HEMK2: variants seen among roughly 807,000 people sequenced by gnomAD.
HEMK2 encodes the protein HemK methyltransferase 2, ETF1 glutamine and histone H4 lysine.
the HEMK2 span, among the ~76,000 whole-genome samples, chr21:28,730,355 T>C: frequency 7.9e-5 from 11 of 138,756 alleles, no homozygotes; most frequent in Admixed American, 7.4e-5. Flanking sequence ...CACTCCAGCC[T>C]GGGCAAACCT....
At chr21:28,621,521 A>T in the HEMK2 span, among the ~76,000 whole-genome samples, 1 of 152,206 alleles carries the variant, frequency 6.6e-6, no homozygotes, top group Non-Finnish European at 1.5e-5. Context: ...TGTGAGCAAC[A>T]TGGCTGTTTA....
the HEMK2 span, among the ~76,000 whole-genome samples, chr21:28,583,193 T>C: frequency 1.3e-5 from 2 of 152,314 alleles, no homozygotes; most frequent in South Asian, 4.1e-4. Flanking sequence ...CATTTCTAAA[T>C]ATGAAAGAGA....
At chr21:28,723,283 T>C in the HEMK2 span, among the ~76,000 whole-genome samples, 1 of 152,214 alleles carries the variant, frequency 6.6e-6, no homozygotes, top group African/African-American at 2.4e-5. Context: ...CCTAAAGTTC[T>C]GGGATTACAG....
the HEMK2 span, among the ~76,000 whole-genome samples, chr21:28,831,596 AAGG>A: frequency 4.6e-5 from 4 of 87,150 alleles, no homozygotes; most frequent in Admixed American, 1.2e-4. Flanking sequence ...AGAAGGAAAG[AAGG>A]AAAGAAGGAA....
chr21:28,717,480 C>CTTTTTTTTTTTT, the HEMK2 span, among the ~76,000 whole-genome samples: 3 of 117,306 alleles, frequency 2.6e-5, no homozygotes, highest in Admixed American at 9.7e-5. Flanking sequence ...TCATTTTAGT[C>CTTTTTTTTTTTT]TTTTTTTTTT....
the HEMK2 span, among the ~76,000 whole-genome samples, chr21:28,770,955 T>C: frequency 6.6e-6 from 1 of 152,158 alleles, no homozygotes. Flanking sequence ...TACCAAATGC[T>C]GTCTCTCTTC....
chr21:28,594,858 T>C, the HEMK2 span, among the ~76,000 whole-genome samples: 92 of 152,330 alleles, frequency 6.0e-4, no homozygotes, highest in African/African-American at 2.2e-3. Flanking sequence ...TTAAACCATA[T>C]TGCTGCATCG....
chr21:28,738,292 T>G, the HEMK2 span, among the ~76,000 whole-genome samples: 1 of 152,226 alleles, frequency 6.6e-6, no homozygotes, highest in Non-Finnish European at 1.5e-5. Flanking sequence ...CTTTTTTCAG[T>G]TAAGTTTGTT....
At chr21:28,597,456 A>C in the HEMK2 span, among the ~76,000 whole-genome samples, 1 of 152,320 alleles carries the variant, frequency 6.6e-6, no homozygotes, top group East Asian at 1.9e-4. Flanking sequence ...TAATTAATAG[A>C]ATTTTTAAGT....
chr21:28,796,807 T>C, the HEMK2 span, among the ~76,000 whole-genome samples: 7 of 152,162 alleles, frequency 4.6e-5, no homozygotes, highest in African/African-American at 1.7e-4. Flanking sequence ...TGGGCTCAAG[T>C]GATCCTCCCG....
the HEMK2 span, among the ~76,000 whole-genome samples, chr21:28,857,122 C>T: frequency 2.6e-5 from 4 of 152,224 alleles, no homozygotes; most frequent in South Asian, 8.3e-4. Context: ...TTTATAGTTT[C>T]CCTTTTAAAT....
At chr21:28,836,623 AC>A in the HEMK2 span, among the ~76,000 whole-genome samples, 1 of 152,242 alleles carries the variant, frequency 6.6e-6, no homozygotes, top group East Asian at 1.9e-4. Context: ...TATACAGGCA[AC>A]AAAGAGCACA....
the HEMK2 span, among the ~76,000 whole-genome samples, chr21:28,678,921 T>C: frequency 1.3e-5 from 2 of 152,152 alleles, no homozygotes; most frequent in Non-Finnish European, 2.9e-5. Context: ...GAATAACCGG[T>C]ACCAGTCACT....
the HEMK2 span, among the ~76,000 whole-genome samples, chr21:28,579,137 A>AT: frequency 6.6e-6 from 1 of 152,208 alleles, no homozygotes; most frequent in Non-Finnish European, 1.5e-5. Flanking sequence ...TGGTAATGCA[A>AT]GTGATTTTTG....
the HEMK2 span, among the ~76,000 whole-genome samples, chr21:28,802,478 A>C: frequency 2.0e-5 from 3 of 152,220 alleles, no homozygotes; most frequent in Non-Finnish European, 4.4e-5. Context: ...CTGTAATCTC[A>C]GCACTTTGGG....
the HEMK2 span, among the ~76,000 whole-genome samples, chr21:28,793,413 G>A: frequency 0.5 from 76,533 of 152,050 alleles, 21,931 homozygotes; most frequent in East Asian, 0.78. Flanking sequence ...AAATATCCCC[G>A]GGATAAATTA....
the HEMK2 span, among the ~76,000 whole-genome samples, chr21:28,877,546 G>A: frequency 5.6e-4 from 79 of 141,328 alleles, no homozygotes; most frequent in Admixed American, 1.6e-3. Flanking sequence ...AAGAGAGAGA[G>A]ATAAAGAAAA....
chr21:28,783,661 G>A, the HEMK2 span, among the ~76,000 whole-genome samples: 5 of 152,336 alleles, frequency 3.3e-5, no homozygotes, highest in South Asian at 1.0e-3. Flanking sequence ...GGCCATGCAT[G>A]AGGAGCCCTT....
chr21:28,786,902 T>C, the HEMK2 span, among the ~76,000 whole-genome samples: 2 of 152,136 alleles, frequency 1.3e-5, no homozygotes, highest in Non-Finnish European at 2.9e-5. Context: ...ACCACCATCA[T>C]TCTTCACAGA....
Sources: allele counts gnomAD v4.1 joint callset (sites outside exome capture counted in the v4.1 genomes callset), GRCh38; gene constraint gnomAD v4.1.1; transcripts MANE v1.5; gene names NCBI Gene and HGNC (gene_info 2026-07-23, HGNC 2026-07-21).